The following C17orf99 variants were observed in gnomAD, a reference collection of about 807,000 sequenced individuals.
The protein encoded by C17orf99 is protein IL-40.
A neutral mutation model predicts 22.6 loss-of-function variants in C17orf99; 18 were observed. The observed-to-expected ratio is 0.80, with a 90% CI of 0.55 to 1.18. The LOEUF (loss-of-function observed/expected upper bound fraction) is 1.18, where lower values mean the gene tolerates loss of function less well. C17orf99 is among the 50% of genes most tolerant of loss of function. The pLI, the probability that C17orf99 is intolerant of heterozygous loss-of-function variation, is 0.00. For missense variants in C17orf99, 328 were observed against 342.7 expected, an observed-to-expected ratio of 0.96 and a Z score of 0.34; for synonymous variants, 147 against 136.6, an observed-to-expected ratio of 1.08 and a Z score of -0.53.
intron 2 of C17orf99, among the ~76,000 whole-genome samples, chr17:78,156,311 CAG>C (rs1227388925): frequency 1.7e-5 from 2 of 116,738 alleles, no homozygotes; most frequent in Non-Finnish European, 3.3e-5. Context: ...GCCTGGGTGA[CAG>C]AGCAAAACTC....
intron 4 of C17orf99, chr17:78,165,498 G>A (rs1339907329): frequency 2.0e-6 from 2 of 986,476 alleles, no homozygotes; most frequent in East Asian, 2.3e-4. Flanking sequence ...GATGTGCTTG[G>A]CACCATAAAA....
chr17:78,157,356 G>A (rs1241502331), intron 2 of C17orf99: 32 of 941,420 alleles, frequency 3.4e-5, no homozygotes, highest in African/African-American at 6.9e-5. Context: ...CGGTGGGCTC[G>A]GAGGCTCACA....
At chr17:78,152,158 A>G (rs1253945522) in intron 2 of C17orf99, among the ~76,000 whole-genome samples, 1 of 132,884 alleles carries the variant, frequency 7.5e-6, no homozygotes, top group Non-Finnish European at 1.5e-5. Flanking sequence ...AGAGCAGATG[A>G]ATTTTATTTA....
At chr17:78,147,018 A>T in intron 2 of C17orf99, 107 bp downstream of exon 2, 5 of 947,274 alleles carry the variant, frequency 5.3e-6, no homozygotes, top group Non-Finnish European at 8.3e-6. Context: ...ACTAGTGGGG[A>T]GGTGTGTGCT....
intron 2 of C17orf99, among the ~76,000 whole-genome samples, chr17:78,151,831 C>T (rs1476237142): frequency 1.3e-5 from 2 of 152,188 alleles, no homozygotes; most frequent in East Asian, 1.9e-4. Context: ...CCTTAACGGA[C>T]GGCGGCTTAT....
In C17orf99 at chr17:78,162,725, C is replaced by G. The variant is rs183546978; in HGVS notation, c.371-1370C>G. 1.1e-3 allele frequency among the ~76,000 whole-genome samples: 166 copies of G among 152,268 alleles called. 2 individuals are homozygous for G. Among genetic ancestry groups the G allele is most frequent in the South Asian group, 3.5e-3 (17 of 4,830 alleles). On this transcript the variant is annotated intron_variant, in intron 3 of 4. Coordinates refer to ENST00000340363, the MANE Select transcript of C17orf99 (RefSeq NM_001163075.2). Reference sequence around the variant, plus strand: ...TTTGGGAGGCCAAGGTGGGAGAATCCTTTGAAGCCAAGAGTTTGAGACCAG... The same window carrying G: ...TTTGGGAGGCCAAGGTGGGAGAATCGTTTGAAGCCAAGAGTTTGAGACCAG...
chr17:78,156,463 G>C (rs1248806055), intron 2 of C17orf99, among the ~76,000 whole-genome samples: 3 of 151,818 alleles, frequency 2.0e-5, no homozygotes, highest in Non-Finnish European at 4.4e-5. Flanking sequence ...CTCGCAAGCA[G>C]AAAGCAGATA....
rs1337700299 is a variant in C17orf99 at position 78,164,303 on chromosome 17, C to T, written c.579C>T (p.Phe193=). 3 of 1,551,518 alleles carry T rather than the reference C, an allele frequency of 1.9e-6. No homozygotes were observed. Among genetic ancestry groups the T allele is most frequent in the African/African-American group, 1.4e-5 (1 of 73,074 alleles). ...SFLPSQTSDW[F]WCQAANNANV... The stretch of plus-strand genomic sequence containing the variant: ...TGCCGAGCCAGACATCGGACTGGTT[C>T]TGGTGCCAGGCTGCAAACAACGCCA... The change falls in exon 4 of 5, where the codon TTC becomes TTT. Residue 193 remains phenylalanine (F), a synonymous_variant. Transcript: ENST00000340363.
At position 78,164,237 on chromosome 17, in the gene C17orf99, G is replaced by A; in HGVS notation, c.513G>A (p.Gln171=). Residue 171 remains glutamine (Q), a synonymous_variant, in exon 4 of 5, where the codon CAG becomes CAA. Coordinates refer to ENST00000340363, the MANE Select transcript of C17orf99 (RefSeq NM_001163075.2). ...GGAAGGATGGGCAGGTCCACCTGCA[G>A]CAGAGACCATGCCACAGGCAGCCTG... is the stretch of plus-strand genomic sequence containing the variant. ...LIGKDGQVHL[Q]QRPCHRQPAN... 2.6e-6 allele frequency: 4 copies of A among 1,551,590 alleles called. No individual in the cohort carries two copies. The highest frequency in any genetic ancestry group is 3.5e-6 in the Non-Finnish European group (4 of 1,147,010).
At chr17:78,163,497 A>G (rs1341333002) in intron 3 of C17orf99, among the ~76,000 whole-genome samples, 1 of 152,260 alleles carries the variant, frequency 6.6e-6, no homozygotes, top group African/African-American at 2.4e-5. Context: ...GTAAAAGATT[A>G]TTCATTGTTT....
chr17:78,162,938 C>T (rs1413646133), intron 3 of C17orf99, among the ~76,000 whole-genome samples: 1 of 152,100 alleles, frequency 6.6e-6, no homozygotes, highest in Non-Finnish European at 1.5e-5. Context: ...GGCCCTTGCC[C>T]CCATGCCGGC....
chr17:78,165,313 G>T, intron 4 of C17orf99: 1 of 985,864 alleles, frequency 1.0e-6, no homozygotes, highest in Non-Finnish European at 1.2e-6. Flanking sequence ...GCTCTACCAG[G>T]AGTCTGTCCT....
chr17:78,153,478 C>A (rs1054439966), intron 2 of C17orf99, among the ~76,000 whole-genome samples: 11 of 141,460 alleles, frequency 7.8e-5, no homozygotes, highest in African/African-American at 3.3e-4. Flanking sequence ...GAGCAAGACT[C>A]CGTCTCAAAA....
At chr17:78,151,546 G>T (rs866535049) in intron 2 of C17orf99, among the ~76,000 whole-genome samples, 1 of 152,014 alleles carries the variant, frequency 6.6e-6, no homozygotes, top group Admixed American at 6.6e-5. Context: ...AGTCTGCAGG[G>T]CTGGGTCCTC....
intron 2 of C17orf99, among the ~76,000 whole-genome samples, chr17:78,151,628 C>T (rs1337565018): frequency 6.6e-6 from 1 of 152,000 alleles, no homozygotes; most frequent in Non-Finnish European, 1.5e-5. Context: ...TCATGCCATT[C>T]TCCCGGTGTG....
Position 78,146,702 on chromosome 17 carries a change from G to GT in C17orf99, c.38-176dup, listed in dbSNP as rs780779935. Among the ~76,000 whole-genome samples the GT allele has an allele frequency of 1.3e-5, 2 of 148,682 alleles. No homozygotes were observed. The highest frequency in any genetic ancestry group is 3.0e-5 in the Non-Finnish European group (2 of 65,956). ...AAATGGGCGGATGAGAGGCGATGTT[G>GT]TGGGGGGAGGGGCGCAAAAGAGCTT... On this transcript the variant is annotated intron_variant, in intron 1 of 4. Transcript: ENST00000340363. This position sits in a 1 kb window ranked among gnomAD's most constrained non-coding sequence, Gnocchi z 5.2.
At position 78,164,099 on chromosome 17, in the gene C17orf99, AG is replaced by A; in HGVS notation, c.376del (p.Val126CysfsTer21). ...QMHWELWSKP[V>X]SELRANFTLQ... ...TACCTTCTCCCACCCTGCCAGAGCC[AG>A]TGTCTGAGCTGCGGGCCAACTTCAC... is the stretch of plus-strand genomic sequence containing the variant. On this transcript the variant is annotated frameshift_variant, in exon 4 of 5. Coordinates refer to ENST00000340363, the MANE Select transcript of C17orf99 (RefSeq NM_001163075.2). LOFTEE classifies it high-confidence loss of function. 1 of 1,551,698 alleles carries A rather than the reference AG, an allele frequency of 6.4e-7. No homozygotes were observed. Among genetic ancestry groups the A allele is most frequent in the South Asian group, 1.2e-5 (1 of 84,068 alleles).
chr17:78,165,911 C>A lies in C17orf99; in HGVS notation c.663C>A (p.Asp221Glu). 1.5e-6 allele frequency: 2 copies of A among 1,374,966 alleles called. No homozygotes were observed. Among genetic ancestry groups the A allele is most frequent in the Non-Finnish European group, 1.9e-6 (2 of 1,047,258 alleles). 85.2% of individuals were successfully genotyped at this position (1,374,966 alleles called of 1,614,324 possible). A position where few individuals can be genotyped will look rare whatever the true frequency, so the allele number is the denominator to read the frequency against. The change falls in exon 5 of 5, where the codon GAC (aspartate) becomes GAA (glutamate). Residue 221 changes from aspartate to glutamate, a missense_variant. Transcript: ENST00000340363. ...AAGGTGGTGACCAGAAGATGGAGGA[C>A]TGGCAGGGTCCCCTGGAGAGCCCCA... ...VPPGGDQKME[D>E]WQGPLESPIL... is the part of the protein sequence containing the mutation.
At chr17:78,161,596 C>A (rs898752166) in intron 3 of C17orf99, among the ~76,000 whole-genome samples, 1 of 152,124 alleles carries the variant, frequency 6.6e-6, no homozygotes, top group African/African-American at 2.4e-5. Context: ...CAAATCCCAG[C>A]ACTGTGGGAG....
Sources: allele counts gnomAD v4.1 joint callset (sites outside exome capture counted in the v4.1 genomes callset), GRCh38; gene constraint gnomAD v4.1.1; non-coding constraint Gnocchi (gnomAD v3.1); transcripts MANE v1.5; gene names NCBI Gene and HGNC (gene_info 2026-07-23, HGNC 2026-07-21).